Variants in KIF13A observed in about 807,000 individuals in gnomAD.
KIF13A encodes the protein kinesin-like protein KIF13A.
Under a neutral mutation model 212.2 loss-of-function variants are expected in KIF13A, and 79 were observed. That is an observed-to-expected ratio of 0.37 (90% CI 0.31 to 0.45). KIF13A has a LOEUF of 0.45. KIF13A is among the 20% of genes least tolerant of loss of function. The probability of loss-of-function intolerance (pLI) is 1.00; values close to 1 mark genes in which losing one functional copy is unlikely to be tolerated. For missense variants in KIF13A, 1,901 were observed against 2,209.0 expected (o/e 0.86, Z 2.79); for synonymous variants, 789 against 808.6 (o/e 0.98, Z 0.41).
chr6:17,929,140 C>G (rs1581760661), intron 2 of KIF13A, among the ~76,000 whole-genome samples: 2 of 151,014 alleles, frequency 1.3e-5, no homozygotes, highest in African/African-American at 4.9e-5. Context: ...AAATCACTAC[C>G]TGCTTTGTAA....
chr6:17,825,168 G>A lies in KIF13A; in HGVS notation c.1786+600C>T, dbSNP rs1439725461. Among the ~76,000 whole-genome samples, 2 of 152,192 alleles carry A rather than the reference G, an allele frequency of 1.3e-5. No individual in the cohort carries two copies. Among genetic ancestry groups the A allele is most frequent in the Non-Finnish European group, 2.9e-5 (2 of 68,040 alleles). Reference sequence around the variant, plus strand: ...TCTATTTTATTTAATGCAGGCAGGTGTGTATAGGCACAGAATAAGAAAGAA... The same window carrying A: ...TCTATTTTATTTAATGCAGGCAGGTATGTATAGGCACAGAATAAGAAAGAA... On this transcript the variant is annotated intron_variant, in intron 16 of 38. Transcript: ENST00000259711. The surrounding 1 kb of genome is among the most constrained non-coding windows in gnomAD (Gnocchi z 4.5).
chr6:17,907,693 T>C (rs1027367118), intron 2 of KIF13A, among the ~76,000 whole-genome samples: 2 of 152,118 alleles, frequency 1.3e-5, no homozygotes, highest in African/African-American at 4.8e-5. Context: ...GCAGATGTGT[T>C]GGGAGCAAAT....
chr6:17,939,778 C>A (rs922348408), intron 2 of KIF13A, among the ~76,000 whole-genome samples: 1 of 152,048 alleles, frequency 6.6e-6, no homozygotes, highest in Non-Finnish European at 1.5e-5. Context: ...CCTGGCCGGG[C>A]GTAGTGGCTC....
At chr6:17,975,130 G>C (rs557034536) in intron 2 of KIF13A, among the ~76,000 whole-genome samples, 1 of 152,168 alleles carries the variant, frequency 6.6e-6, no homozygotes, top group African/African-American at 2.4e-5. Flanking sequence ...GATCATTTGA[G>C]GTCAGCAGTT....
intron 2 of KIF13A, among the ~76,000 whole-genome samples, chr6:17,977,114 CAAAAAA>C (rs398000718): frequency 1.9e-5 from 2 of 106,698 alleles, no homozygotes; most frequent in Non-Finnish European, 3.8e-5. Context: ...AAAACAACAA[CAAAAAA>C]AAAAAAAAAA....
chr6:17,951,355 T>C lies in KIF13A; in HGVS notation c.146+35699A>G, dbSNP rs758331451. 3 of 644,436 alleles carry C rather than the reference T, an allele frequency of 4.7e-6. No individual in the cohort carries two copies. The South Asian group carries it at 5.0e-5, about 11-fold the overall frequency. 39.9% of individuals were successfully genotyped at this position (644,436 alleles called of 1,614,324 possible). On this transcript the variant is annotated intron_variant, in intron 2 of 38. Transcript: ENST00000259711. The surrounding 1 kb of genome is among the most constrained non-coding windows in gnomAD (Gnocchi z 4.9). Reference sequence around the variant, plus strand: ...CATGTTGCAAAGGCTGGTCTTGAAATCCTCGGCTCAAGTGATCCTCTTGCC... The same window carrying C: ...CATGTTGCAAAGGCTGGTCTTGAAACCCTCGGCTCAAGTGATCCTCTTGCC...
intron 4 of KIF13A, among the ~76,000 whole-genome samples, chr6:17,865,537 A>G (rs1221828965): frequency 6.6e-6 from 1 of 152,224 alleles, no homozygotes; most frequent in Non-Finnish European, 1.5e-5. Context: ...AGGGGTGAAG[A>G]ATGCCCAGCT....
At chr6:17,862,974 A>G (rs1474611814) in intron 4 of KIF13A, among the ~76,000 whole-genome samples, 1 of 152,058 alleles carries the variant, frequency 6.6e-6, no homozygotes, top group African/African-American at 2.4e-5. Flanking sequence ...ACAAACAAAC[A>G]AAAAAACAAA....
intron 2 of KIF13A, among the ~76,000 whole-genome samples, chr6:17,959,254 A>G (rs1778616697): frequency 6.6e-6 from 1 of 152,228 alleles, no homozygotes; most frequent in Non-Finnish European, 1.5e-5. Context: ...CTGAAGCTTC[A>G]TAAGAGCTTC....
At chr6:17,976,900 G>C (rs1489585444) in intron 2 of KIF13A, among the ~76,000 whole-genome samples, 2 of 151,632 alleles carry the variant, frequency 1.3e-5, no homozygotes, top group Non-Finnish European at 2.9e-5. Context: ...AGGAGATCGA[G>C]ACCATCTTGG....
At chr6:17,944,188 C>A (rs371665637) in intron 2 of KIF13A, among the ~76,000 whole-genome samples, 4 of 152,186 alleles carry the variant, frequency 2.6e-5, no homozygotes. Flanking sequence ...TGAGAAATCA[C>A]AAAGTAATTT....
At position 17,839,903 on chromosome 6, in the gene KIF13A, G is replaced by A. The variant is rs1193883094; in HGVS notation, c.831-2320C>T. ...CTGACCCCTTGATTTCAGATTTCTC[G>A]CCTGCAGAATTGTGAGAAATAAATT... On this transcript the variant is annotated intron_variant, in intron 9 of 38. Coordinates refer to ENST00000259711, the MANE Select transcript of KIF13A (RefSeq NM_022113.6). The surrounding 1 kb of genome is among the most constrained non-coding windows in gnomAD (Gnocchi z 4.3). Among the ~76,000 whole-genome samples the A allele has an allele frequency of 1.3e-5, 2 of 152,114 alleles. No individual in the cohort carries two copies. The highest frequency in any genetic ancestry group is 2.9e-5 in the Non-Finnish European group (2 of 68,026).
rs1774827762 is a variant in KIF13A, at chr6:17,919,277, T to C, written c.147-21097A>G. On this transcript the variant is annotated intron_variant, in intron 2 of 38. Transcript: ENST00000259711. The surrounding 1 kb of genome is among the most constrained non-coding windows in gnomAD (Gnocchi z 4.1). ...CAGCACATCACAAAACAGTAGAAAG[T>C]ATCCCTCTTCAACAATTACCAATAC... Among the ~76,000 whole-genome samples the C allele has an allele frequency of 6.6e-6, 1 of 152,176 alleles. No individual in the cohort carries two copies. Among genetic ancestry groups the C allele is most frequent in the Non-Finnish European group, 1.5e-5 (1 of 68,028 alleles).
chr6:17,830,761 C>T (rs1269159543), intron 13 of KIF13A, among the ~76,000 whole-genome samples: 2 of 152,194 alleles, frequency 1.3e-5, no homozygotes, highest in East Asian at 1.9e-4. Context: ...CAGAGCTTCT[C>T]AGGAGCTTTG....
Position 17,947,318 on chromosome 6 carries a change from C to G in KIF13A, c.146+39736G>C, listed in dbSNP as rs1351748318. Among the ~76,000 whole-genome samples, 1 of 152,048 alleles carries G rather than the reference C, an allele frequency of 6.6e-6. No homozygotes were observed. The highest frequency in any genetic ancestry group is 2.4e-5 in the African/African-American group (1 of 41,388). On this transcript the variant is annotated intron_variant, in intron 2 of 38. Transcript: ENST00000259711. This position sits in a 1 kb window ranked among gnomAD's most constrained non-coding sequence, Gnocchi z 4.6. ...TGAAACCAAATATATAAGTTATATA[C>G]TTCTTTATTATACATGCAATGAATT...
intron 22 of KIF13A, among the ~76,000 whole-genome samples, chr6:17,798,361 C>T (rs1327571449): frequency 1.3e-5 from 2 of 151,776 alleles, no homozygotes; most frequent in African/African-American, 4.8e-5. Flanking sequence ...TTTGTGGATT[C>T]AAAGAAAGAT....
At position 17,837,532 on chromosome 6, in the gene KIF13A, A is replaced by T; in HGVS notation, c.882T>A (p.Ala294=). Residue 294 remains alanine (A), a synonymous_variant, in exon 10 of 39, where the codon GCT becomes GCA. Coordinates refer to ENST00000259711, the MANE Select transcript of KIF13A (RefSeq NM_022113.6). This position sits in a 1 kb window ranked among gnomAD's most constrained non-coding sequence, Gnocchi z 5.4. ...LVISSLADQA[A]GKGKSKFVPY... ...GCACAAATTTGCTTTTACCCTTGCC[A>T]GCTGCCTGGTCAGCCAGTGATGATA... The T allele has an allele frequency of 6.2e-7, 1 of 1,610,086 alleles. No individual in the cohort carries two copies. The highest frequency in any genetic ancestry group is 1.6e-4 in the Middle Eastern group (1 of 6,062).
At position 17,861,935 on chromosome 6, in the gene KIF13A, T is replaced by A. The variant is rs545958815; in HGVS notation, c.221-5813A>T. 2.6e-5 allele frequency among the ~76,000 whole-genome samples: 4 copies of A among 152,330 alleles called. No homozygotes were observed. In the East Asian group the frequency reaches 7.7e-4, roughly 29 times the overall value. On this transcript the variant is annotated intron_variant, in intron 4 of 38. Transcript: ENST00000259711. ...CTTCATGATTTCTGCCTATGATATGTGCTATGCCTCACAAATCCTTTTTCA... is the reference window on the plus strand; with the variant it reads ...CTTCATGATTTCTGCCTATGATATGAGCTATGCCTCACAAATCCTTTTTCA...
intron 4 of KIF13A, among the ~76,000 whole-genome samples, chr6:17,859,620 T>TTTTATATATATATA (rs1485260645): frequency 7.6e-5 from 10 of 131,552 alleles, no homozygotes; most frequent in Admixed American, 3.0e-4. Flanking sequence ...GCAATGTATT[T>TTTTATATATATATA]TATATATATA....
Sources: gnomAD v4.1 joint callset for allele counts (sites outside exome capture counted in the v4.1 genomes callset) on GRCh38, gnomAD v4.1.1 for gene constraint, Gnocchi (gnomAD v3.1) non-coding constraint, MANE v1.5 for transcripts, NCBI Gene and HGNC (gene_info 2026-07-23, HGNC 2026-07-21) for gene names.